ITGA9: variants seen among roughly 807,000 people sequenced by gnomAD.
The protein encoded by ITGA9 is integrin alpha-9.
ITGA9 carries 56 observed loss-of-function variants against 127.8 expected under a neutral mutation model. That is an observed-to-expected ratio of 0.44 (90% CI 0.35 to 0.55). The LOEUF (loss-of-function observed/expected upper bound fraction) is 0.55. Among genes scored for constraint, ITGA9 ranks in the 20% least tolerant of loss-of-function variants. ITGA9 has a pLI of 0.00. For synonymous variants in ITGA9, 508 were observed against 514.5 expected (o/e 0.99, Z 0.17); for missense variants, 1,196 against 1,347.1 (o/e 0.89, Z 1.76).
At chr3:37,592,629 G>A (rs1014116672) in intron 15 of ITGA9, among the ~76,000 whole-genome samples, 8 of 152,168 alleles carry the variant, frequency 5.3e-5, no homozygotes, top group African/African-American at 1.7e-4. Flanking sequence ...GGAGAGGAGG[G>A]GGTGTACTTG....
intron 17 of ITGA9, among the ~76,000 whole-genome samples, chr3:37,664,420 CTTTTTTTTTTTT>C (rs35312679): frequency 8.7e-6 from 1 of 114,928 alleles, no homozygotes; most frequent in Non-Finnish European, 1.7e-5. Flanking sequence ...TCAGCACATT[CTTTTTTTTTTTT>C]TTTTTTTTTT....
intron 15 of ITGA9, among the ~76,000 whole-genome samples, chr3:37,556,839 C>T (rs1559535854): frequency 6.6e-6 from 1 of 152,214 alleles, no homozygotes; most frequent in Non-Finnish European, 1.5e-5. Context: ...GCGAGTGCTC[C>T]TCATCAACAA....
At chr3:37,499,960 G>A (rs1698771214) in intron 5 of ITGA9, among the ~76,000 whole-genome samples, 1 of 152,168 alleles carries the variant, frequency 6.6e-6, no homozygotes, top group Non-Finnish European at 1.5e-5. Context: ...GTTCCGAAGA[G>A]CCTTTGCAGG....
At chr3:37,771,977 G>A (rs1318572349) in intron 23 of ITGA9, among the ~76,000 whole-genome samples, 1 of 152,156 alleles carries the variant, frequency 6.6e-6, no homozygotes, top group Non-Finnish European at 1.5e-5. Flanking sequence ...AAGAGGTAGT[G>A]CAGGAAAGTG....
At chr3:37,454,912 G>T (rs1321720541) in intron 1 of ITGA9, among the ~76,000 whole-genome samples, 4 of 152,140 alleles carry the variant, frequency 2.6e-5, no homozygotes, top group African/African-American at 9.7e-5. Flanking sequence ...TGGAGCAAGT[G>T]ACTTCCAACA....
At chr3:37,670,957 T>C (rs1229975970) in intron 17 of ITGA9, among the ~76,000 whole-genome samples, 2 of 152,248 alleles carry the variant, frequency 1.3e-5, no homozygotes, top group Admixed American at 1.3e-4. Context: ...TCTGCCCCGC[T>C]AGCTTTGATG....
chr3:37,696,487 A>G (rs190032348), intron 18 of ITGA9, among the ~76,000 whole-genome samples: 14 of 152,328 alleles, frequency 9.2e-5, no homozygotes, highest in South Asian at 8.3e-4. Context: ...CTGTCCTTCA[A>G]CAGAGGTGCC....
intron 14 of ITGA9, among the ~76,000 whole-genome samples, chr3:37,537,386 T>A (rs267545): frequency 6.6e-6 from 1 of 151,574 alleles, no homozygotes; most frequent in East Asian, 1.9e-4. Context: ...TAGCAGAGCC[T>A]CACAGCAAGC....
At chr3:37,539,128 T>C (rs1361436295) in intron 14 of ITGA9, among the ~76,000 whole-genome samples, 1 of 152,160 alleles carries the variant, frequency 6.6e-6, no homozygotes, top group Non-Finnish European at 1.5e-5. Context: ...ACTTCTGCAG[T>C]GAGATGAAAC....
chr3:37,517,367 A>G lies in ITGA9; in HGVS notation c.1036-137A>G. ...GGAGAGAGAAGTTTGGGTTCCTGTA[A>G]TTCTGCCCAGGTGTTTCCTGTCAAT... On this transcript the variant is annotated intron_variant, in intron 9 of 27. Transcript: ENST00000264741. 4.1e-6 allele frequency: 3 copies of G among 735,552 alleles called. No homozygotes were observed. In the South Asian group the frequency reaches 4.5e-5, roughly 11 times the overall value. The allele number at this position is 735,552 out of a possible 1,614,324, so 45.6% of individuals were successfully genotyped here.
intron 27 of ITGA9, chr3:37,818,275 T>G (rs1322754659): frequency 2.2e-5 from 3 of 136,646 alleles, no homozygotes; most frequent in Admixed American, 7.9e-5. Flanking sequence ...TTTTTTTTTT[T>G]TTGAGATGGA....
At chr3:37,734,758 C>T (rs937473669) in intron 19 of ITGA9, among the ~76,000 whole-genome samples, 1 of 152,202 alleles carries the variant, frequency 6.6e-6, no homozygotes, top group Non-Finnish European at 1.5e-5. Flanking sequence ...TCCCAAAGTG[C>T]TGGGATTACA....
intron 15 of ITGA9, among the ~76,000 whole-genome samples, chr3:37,545,015 C>T (rs1018062548): frequency 5.3e-5 from 8 of 152,230 alleles, no homozygotes; most frequent in South Asian, 2.1e-4. Context: ...GAGGAGGCAG[C>T]AGGCACCGCC....
In ITGA9 at chr3:37,463,760, G is replaced by A. The variant is rs552018237; in HGVS notation, c.186-7247G>A. ...TGTGGCCACTTTGTAATATATTACT[G>A]GTGGTGAAAGCATCCTGGCTGTCCC... On this transcript the variant is annotated intron_variant, in intron 1 of 27. Transcript: ENST00000264741. Among the ~76,000 whole-genome samples, 18 of 152,284 alleles carry A rather than the reference G, an allele frequency of 1.2e-4. No homozygotes were observed. The South Asian group carries it at 2.3e-3, about 19-fold the overall frequency.
intron 15 of ITGA9, among the ~76,000 whole-genome samples, chr3:37,625,376 T>C (rs1260551850): frequency 6.6e-6 from 1 of 152,142 alleles, no homozygotes; most frequent in Admixed American, 6.5e-5. Flanking sequence ...CCCAATAAAT[T>C]TCAGATGGAG....
In ITGA9 at chr3:37,473,355, G is replaced by A; in HGVS notation, c.315G>A (p.Gly105=). 6.2e-7 allele frequency: 1 copy of A among 1,613,748 alleles called. No individual in the cohort carries two copies. Among genetic ancestry groups the A allele is most frequent in the Non-Finnish European group, 8.5e-7 (1 of 1,179,698 alleles). ...RRCTELDMAR[G]KNRGTSCGKT... Reference sequence around the variant, plus strand: ...CTGGCTCTTCTCCTCTTTCTCCAGGGAAGAATCGGGGCACGTCCTGCGGAA... The same window carrying A: ...CTGGCTCTTCTCCTCTTTCTCCAGGAAAGAATCGGGGCACGTCCTGCGGAA... Residue 105 remains glycine (G), a splice_region_variant and synonymous_variant, in exon 3 of 28, where the codon GGG becomes GGA. Transcript: ENST00000264741.
At chr3:37,515,432 G>A (rs1360077667) in intron 9 of ITGA9, among the ~76,000 whole-genome samples, 1 of 152,210 alleles carries the variant, frequency 6.6e-6, no homozygotes, top group African/African-American at 2.4e-5. Context: ...GATTGTTAGA[G>A]CCTTATGTTG....
At chr3:37,474,704 G>A (rs1292871922) in intron 3 of ITGA9, among the ~76,000 whole-genome samples, 1 of 152,182 alleles carries the variant, frequency 6.6e-6, no homozygotes, top group South Asian at 2.1e-4. Context: ...GAAGATTTTT[G>A]TTATAAAAGC....
At chr3:37,485,453 C>G (rs1276017300) in intron 4 of ITGA9, among the ~76,000 whole-genome samples, 3 of 152,012 alleles carry the variant, frequency 2.0e-5, no homozygotes, top group Admixed American at 2.0e-4. Flanking sequence ...CACTTGGCCT[C>G]TCAGTGGGAG....
Sources: gnomAD v4.1 joint callset for allele counts (sites outside exome capture counted in the v4.1 genomes callset) on GRCh38, gnomAD v4.1.1 for gene constraint, MANE v1.5 for transcripts, NCBI Gene and HGNC (gene_info 2026-07-23, HGNC 2026-07-21) for gene names.